The following SPOCK3 variants were observed in gnomAD, a reference collection of about 807,000 sequenced individuals.
SPOCK3 encodes SPARC (osteonectin), cwcv and kazal like domains proteoglycan 3.
A neutral mutation model predicts 56.6 loss-of-function variants in SPOCK3; 30 were observed. The ratio of observed to expected loss-of-function variants is 0.53; its 90% CI spans 0.40 to 0.72. The LOEUF (loss-of-function observed/expected upper bound fraction) is 0.72. Among genes scored for constraint, SPOCK3 ranks in the 30% least tolerant of loss-of-function variants. The pLI is 0.00. For synonymous variants in SPOCK3, 196 were observed against 183.3 expected (o/e 1.07, Z -0.56); for missense variants, 527 against 530.0 (o/e 0.99, Z 0.06).
In SPOCK3 at chr4:167,174,811, G is replaced by A. The variant is rs184123899; in HGVS notation, c.189+59174C>T. ...GAAAATTATGCAAACTTAAGTGCGC[G>A]TGCACACGCACACAAACACACATAC... On this transcript the variant is annotated intron_variant, in intron 2 of 10. Coordinates refer to ENST00000357545, the MANE Select transcript of SPOCK3 (RefSeq NM_001040159.2). Among the ~76,000 whole-genome samples, 380 of 152,152 alleles carry A rather than the reference G, an allele frequency of 2.5e-3. 1 individual carries two copies. Among genetic ancestry groups the A allele is most frequent in the Non-Finnish European group, 3.3e-3 (225 of 67,994 alleles).
intron 6 of SPOCK3, among the ~76,000 whole-genome samples, chr4:166,843,091 G>A (rs2126840506): frequency 6.6e-6 from 1 of 152,298 alleles, no homozygotes; most frequent in East Asian, 1.9e-4. Flanking sequence ...CACTGCCTAG[G>A]ACCTGCCAGC....
At chr4:167,195,178 C>T (rs1452781634) in intron 2 of SPOCK3, among the ~76,000 whole-genome samples, 1 of 152,106 alleles carries the variant, frequency 6.6e-6, no homozygotes, top group African/African-American at 2.4e-5. Context: ...GGTGTCTCAC[C>T]CATTGGGTAC....
chr4:166,894,170 C>T (rs550420110), intron 5 of SPOCK3, among the ~76,000 whole-genome samples: 8 of 152,210 alleles, frequency 5.3e-5, no homozygotes, highest in African/African-American at 1.9e-4. Flanking sequence ...CACCCTGCTT[C>T]ATTGGAGGAG....
chr4:167,069,347 A>G (rs1172647224), intron 2 of SPOCK3, among the ~76,000 whole-genome samples: 2 of 151,924 alleles, frequency 1.3e-5, no homozygotes, highest in African/African-American at 4.8e-5. Context: ...TCAATTGCCA[A>G]CCATGTGAGA....
chr4:166,980,821 A>T (rs1561080658), intron 4 of SPOCK3, among the ~76,000 whole-genome samples: 1 of 152,198 alleles, frequency 6.6e-6, no homozygotes, highest in Non-Finnish European at 1.5e-5. Context: ...AGCTCCAAAG[A>T]GGGTATCACA....
chr4:166,860,802 C>CATATATATATGTATATATATAT (rs1553989662), intron 6 of SPOCK3, among the ~76,000 whole-genome samples: 4 of 101,938 alleles, frequency 3.9e-5, no homozygotes, highest in Non-Finnish European at 8.1e-5. Context: ...CACACAAATT[C>CATATATATATGTATATATATAT]ATATATATAT....
rs1265934390 is a variant in SPOCK3, at chr4:166,748,809, C to G, written c.931+5699G>C. Among the ~76,000 whole-genome samples, 2 of 136,862 alleles carry G rather than the reference C, an allele frequency of 1.5e-5. 1 individual carries two copies. Among genetic ancestry groups the G allele is most frequent in the African/African-American group, 6.3e-5 (2 of 31,998 alleles). 89.8% of individuals were successfully genotyped at this position (136,862 alleles called of 152,430 possible). On this transcript the variant is annotated intron_variant, in intron 8 of 10. Coordinates refer to ENST00000357545, the MANE Select transcript of SPOCK3 (RefSeq NM_001040159.2). ...TTATAAGAAAAAAATCAAACAACCC[C>G]ATCAAAAAGTGGGTAAAGGATATGA...
At chr4:166,881,592 T>C (rs1227612044) in intron 6 of SPOCK3, among the ~76,000 whole-genome samples, 3 of 152,134 alleles carry the variant, frequency 2.0e-5, no homozygotes, top group Admixed American at 6.5e-5. Context: ...TTTTTTCCTA[T>C]TTCTGAAATA....
At chr4:166,870,207 G>T (rs1430176620) in intron 6 of SPOCK3, among the ~76,000 whole-genome samples, 1 of 152,088 alleles carries the variant, frequency 6.6e-6, no homozygotes, top group African/African-American at 2.4e-5. Context: ...ATAAAAGAGG[G>T]ACAGCTGAGA....
chr4:167,225,512 A>G (rs1736504541), intron 2 of SPOCK3, among the ~76,000 whole-genome samples: 1 of 152,066 alleles, frequency 6.6e-6, no homozygotes, highest in Admixed American at 6.6e-5. Flanking sequence ...TTTGTATACT[A>G]TATTATTACT....
intron 7 of SPOCK3, among the ~76,000 whole-genome samples, chr4:166,778,724 C>CT (rs11462697): frequency 0.25 from 36,721 of 148,204 alleles, 4,805 homozygotes; most frequent in East Asian, 0.55. Context: ...GAATTCTAGA[C>CT]TTTTTTTTTT....
chr4:167,014,765 T>TCACACA (rs145127893), intron 3 of SPOCK3, among the ~76,000 whole-genome samples: 8 of 149,660 alleles, frequency 5.3e-5, no homozygotes, highest in South Asian at 2.1e-4. Context: ...ATACACACAC[T>TCACACA]CACACACACA....
chr4:166,994,903 A>C (rs917002565), intron 4 of SPOCK3, among the ~76,000 whole-genome samples: 14 of 152,148 alleles, frequency 9.2e-5, no homozygotes, highest in Non-Finnish European at 2.9e-5. Context: ...AATGTGGGCT[A>C]AAACATGCTG....
chr4:167,186,849 T>C (rs12506811), intron 2 of SPOCK3, among the ~76,000 whole-genome samples: 27,792 of 150,408 alleles, frequency 0.18, 2,788 homozygotes, highest in Admixed American at 0.26. Context: ...TGGTGGCACA[T>C]GCCTGCAGTC....
chr4:167,081,326 C>T (rs1219300568), intron 2 of SPOCK3, among the ~76,000 whole-genome samples: 1 of 151,960 alleles, frequency 6.6e-6, no homozygotes, highest in Non-Finnish European at 1.5e-5. Flanking sequence ...AGCACAATTG[C>T]TGGCATTTAA....
At chr4:166,892,638 T>C (rs928284979) in intron 5 of SPOCK3, among the ~76,000 whole-genome samples, 4 of 152,010 alleles carry the variant, frequency 2.6e-5, no homozygotes, top group African/African-American at 9.7e-5. Context: ...AAATATCACA[T>C]AAAGGGCATG....
chr4:166,781,559 CAGA>C (rs1406651325), intron 7 of SPOCK3, among the ~76,000 whole-genome samples: 1 of 151,780 alleles, frequency 6.6e-6, no homozygotes, highest in Non-Finnish European at 1.5e-5. Flanking sequence ...ATTAAAATGT[CAGA>C]AGAAGAAGAA....
At chr4:166,903,200 A>G (rs2127063896) in intron 5 of SPOCK3, among the ~76,000 whole-genome samples, 1 of 150,558 alleles carries the variant, frequency 6.6e-6, no homozygotes, top group Admixed American at 6.6e-5. Context: ...ATAAATTGTG[A>G]ATTTGAGTTG....
chr4:166,752,563 TATATATATATACACACACACAC>T (rs1294071533), intron 8 of SPOCK3, among the ~76,000 whole-genome samples: 1 of 53,410 alleles, frequency 1.9e-5, no homozygotes. Context: ...TATATATATA[TATATATATATACACACACACAC>T]ACACACACAC....
Sources: allele counts gnomAD v4.1 joint callset (sites outside exome capture counted in the v4.1 genomes callset), GRCh38; gene constraint gnomAD v4.1.1; transcripts MANE v1.5; gene names NCBI Gene and HGNC (gene_info 2026-07-23, HGNC 2026-07-21).